The following UBE3D variants were observed in gnomAD, a reference collection of about 807,000 sequenced individuals.
UBE3D encodes E3 ubiquitin-protein ligase E3D.
A neutral mutation model predicts 49.6 loss-of-function variants in UBE3D; 48 were observed. The ratio of observed to expected loss-of-function variants is 0.97; its 90% confidence interval spans 0.77 to 1.23. The LOEUF is 1.23. Among genes scored for constraint, UBE3D ranks in the 50% most tolerant of loss-of-function variants. The pLI, the probability that UBE3D is intolerant of heterozygous loss-of-function variation, is 0.00. For missense variants in UBE3D, 452 were observed against 468.4 expected (o/e 0.96, Z 0.32); for synonymous variants, 189 against 174.2 (o/e 1.08, Z -0.67).
At chr6:82,938,445 T>C (rs1355705683) in intron 9 of UBE3D, 1 of 152,104 alleles carries the variant, frequency 6.6e-6, no homozygotes, top group East Asian at 1.9e-4. Context: ...TTCACACCAA[T>C]GGCAGAAAGA....
the UBE3D span, among the ~76,000 whole-genome samples, chr6:82,883,995 G>A: frequency 6.6e-6 from 1 of 152,180 alleles, no homozygotes; most frequent in Non-Finnish European, 1.5e-5. Context: ...CTGCACTTGG[G>A]TTTGGTTCAG....
chr6:82,931,385 G>T (rs1174986272), intron 9 of UBE3D, among the ~76,000 whole-genome samples: 1 of 152,190 alleles, frequency 6.6e-6, no homozygotes, highest in African/African-American at 2.4e-5. Flanking sequence ...AAGGGCCACT[G>T]TCAACCAGAC....
chr6:83,012,398 G>A (rs1377426539), intron 8 of UBE3D, among the ~76,000 whole-genome samples: 4 of 152,162 alleles, frequency 2.6e-5, no homozygotes, highest in African/African-American at 4.8e-5. Flanking sequence ...CAAATTGCGC[G>A]TTCAGCAGTG....
chr6:83,031,459 TG>T (rs1781865644), intron 5 of UBE3D, among the ~76,000 whole-genome samples: 1 of 152,240 alleles, frequency 6.6e-6, no homozygotes, highest in Non-Finnish European at 1.5e-5. Context: ...CAGCGTGACC[TG>T]GATGTGAAAC....
At chr6:82,975,413 G>A (rs2127711966) in intron 8 of UBE3D, among the ~76,000 whole-genome samples, 1 of 152,262 alleles carries the variant, frequency 6.6e-6, no homozygotes, top group East Asian at 1.9e-4. Context: ...CTGTGTAAAT[G>A]TACATAAAGA....
downstream of UBE3D, among the ~76,000 whole-genome samples, chr6:82,888,302 G>GT (rs1315466851): frequency 9.3e-5 from 12 of 128,984 alleles, no homozygotes; most frequent in African/African-American, 4.1e-4. Flanking sequence ...TCATGATTTA[G>GT]GTTTTTTTTT....
Position 83,027,434 on chromosome 6 carries a change from CAAAAAAAAAAAA to C in UBE3D, c.668-3408_668-3397del, listed in dbSNP as rs61225462. Among the ~76,000 whole-genome samples, 57 of 34,648 alleles carry C rather than the reference CAAAAAAAAAAAA, an allele frequency of 1.6e-3. 1 individual carries two copies. The highest frequency in any genetic ancestry group is 5.0e-3 in the African/African-American group (46 of 9,156). 22.7% of individuals were successfully genotyped at this position (34,648 alleles called of 152,430 possible). The stretch of plus-strand genomic sequence containing the variant: ...CTGGCGACAGAGCGAGACTCCGTCT[CAAAAAAAAAAAA>C]AAAAAAAAAAAAAAAGAAACCACTA... On this transcript the variant is annotated intron_variant, in intron 5 of 9. Coordinates refer to ENST00000369747, the MANE Select transcript of UBE3D (RefSeq NM_198920.3).
chr6:83,056,420 G>A (rs1012790067), intron 2 of UBE3D, among the ~76,000 whole-genome samples: 1 of 152,104 alleles, frequency 6.6e-6, no homozygotes, highest in Non-Finnish European at 1.5e-5. Flanking sequence ...GCCTCCCATG[G>A]CCTCTTCCCT....
At chr6:83,043,691 A>G (rs939116041) in intron 4 of UBE3D, among the ~76,000 whole-genome samples, 7 of 152,220 alleles carry the variant, frequency 4.6e-5, no homozygotes, top group African/African-American at 1.4e-4. Context: ...GTTCCCACCA[A>G]TAATCAGATG....
At chr6:82,983,146 T>G in intron 8 of UBE3D, among the ~76,000 whole-genome samples, 1 of 123,018 alleles carries the variant, frequency 8.1e-6, no homozygotes, top group South Asian at 3.2e-4. Flanking sequence ...CCATCATACC[T>G]GGCTGAAAGT....
intron 8 of UBE3D, among the ~76,000 whole-genome samples, chr6:83,004,109 A>T (rs929489367): frequency 3.9e-5 from 6 of 152,206 alleles, no homozygotes; most frequent in African/African-American, 1.4e-4. Context: ...ATTCTGATCT[A>T]TAACATCAGA....
Position 82,892,736 on chromosome 6 carries a change from A to C in UBE3D, c.*286T>G, listed in dbSNP as rs1562056711. 1 of 427,912 alleles carries C rather than the reference A, an allele frequency of 2.3e-6. No individual in the cohort carries two copies. Among genetic ancestry groups the C allele is most frequent in the African/African-American group, 2.0e-5 (1 of 49,342 alleles). 26.5% of individuals were successfully genotyped at this position (427,912 alleles called of 1,614,324 possible). On this transcript the variant is annotated 3_prime_UTR_variant, in exon 10 of 10. Transcript: ENST00000369747. ...CTTCCAGGTGGTGCTGACACTGCAC[A>C]TATGTGAATATTCCTCTCTGTGGGA...
intron 8 of UBE3D, among the ~76,000 whole-genome samples, chr6:83,005,023 AAG>A (rs1328023168): frequency 6.6e-6 from 1 of 152,184 alleles, no homozygotes; most frequent in Non-Finnish European, 1.5e-5. Flanking sequence ...TGTGCATCAA[AAG>A]ACACAATGAA....
intron 5 of UBE3D, among the ~76,000 whole-genome samples, chr6:83,030,122 G>A (rs939950593): frequency 6.6e-6 from 1 of 152,144 alleles, no homozygotes; most frequent in Non-Finnish European, 1.5e-5. Context: ...TGTTAGGGCA[G>A]AGAAGTTATC....
At chr6:82,991,622 T>C (rs2480093) in intron 8 of UBE3D, among the ~76,000 whole-genome samples, 148,494 of 152,240 alleles carry the variant, frequency 0.98, 72,533 homozygotes, top group Middle Eastern at 1. Flanking sequence ...ATCCTCCTCC[T>C]CCAAATTCTG....
chr6:82,968,126 T>C (rs1296950959), intron 8 of UBE3D, among the ~76,000 whole-genome samples: 1 of 152,182 alleles, frequency 6.6e-6, no homozygotes, highest in Non-Finnish European at 1.5e-5. Flanking sequence ...TTCTCCAGGA[T>C]AAAAGGCCCC....
intron 9 of UBE3D, among the ~76,000 whole-genome samples, chr6:82,908,511 A>G (rs1410683338): frequency 6.6e-6 from 1 of 152,204 alleles, no homozygotes; most frequent in Non-Finnish European, 1.5e-5. Flanking sequence ...ACCAAAAACC[A>G]CTTGTACCTC....
chr6:82,922,149 A>C (rs1773394553), intron 9 of UBE3D, among the ~76,000 whole-genome samples: 1 of 152,156 alleles, frequency 6.6e-6, no homozygotes, highest in Non-Finnish European at 1.5e-5. Context: ...GGAAATTCTG[A>C]AAATGCAGAT....
downstream of UBE3D, among the ~76,000 whole-genome samples, chr6:82,891,217 C>T (rs1770972741): frequency 6.6e-6 from 1 of 152,176 alleles, no homozygotes; most frequent in Admixed American, 6.5e-5. Context: ...TTAATTTTGT[C>T]AATCACAACA....
Sources: gnomAD v4.1 joint callset for allele counts (sites outside exome capture counted in the v4.1 genomes callset) on GRCh38, gnomAD v4.1.1 for gene constraint, MANE v1.5 for transcripts, NCBI Gene and HGNC (gene_info 2026-07-23, HGNC 2026-07-21) for gene names.